The following PLCB1 variants were observed in gnomAD, a reference collection of about 807,000 sequenced individuals.
The protein encoded by PLCB1 is phospholipase C beta 1, also known as 1-phosphatidylinositol 4,5-bisphosphate phosphodiesterase beta-1.
PLCB1 carries 46 observed loss-of-function variants against 161.8 expected under a neutral mutation model. The observed-to-expected ratio is 0.28, with a 90% CI of 0.22 to 0.36. The LOEUF is 0.36. Ranked by LOEUF, PLCB1 falls within the 10% of genes least tolerant of loss-of-function variation. PLCB1 has a pLI of 1.00. For synonymous variants in PLCB1, 517 were observed against 503.7 expected, an observed-to-expected ratio of 1.03 and a Z score of -0.35; for missense variants, 1,016 against 1,472.5, an observed-to-expected ratio of 0.69 and a Z score of 5.07.
At chr20:8,591,003 G>T (rs1987133335) in intron 3 of PLCB1, among the ~76,000 whole-genome samples, 2 of 151,986 alleles carry the variant, frequency 1.3e-5, no homozygotes, top group Admixed American at 1.3e-4. Flanking sequence ...AGGCCCCAGT[G>T]TGTTGTTCCC....
intron 3 of PLCB1, among the ~76,000 whole-genome samples, chr20:8,385,675 T>A (rs1368659724): frequency 1.3e-5 from 2 of 152,168 alleles, no homozygotes; most frequent in Non-Finnish European, 2.9e-5. Context: ...TTCCGATCCA[T>A]GGGTTGCACA....
chr20:8,136,495 G>T (rs186018634), intron 1 of PLCB1, among the ~76,000 whole-genome samples: 13 of 151,884 alleles, frequency 8.6e-5, no homozygotes, highest in Admixed American at 2.0e-4. Flanking sequence ...GCGTGGTGGC[G>T]GGCGCCTGTA....
Position 8,276,916 on chromosome 20 carries a change from G to A in PLCB1, c.178-94466G>A, listed in dbSNP as rs541336075. Among the ~76,000 whole-genome samples, 43 of 143,594 alleles carry A rather than the reference G, an allele frequency of 3.0e-4. No individual in the cohort carries two copies. The South Asian group carries it at 7.2e-3, about 24-fold the overall frequency. 94.2% of individuals were successfully genotyped at this position (143,594 alleles called of 152,430 possible). A position where few individuals can be genotyped will look rare whatever the true frequency, so the allele number is the denominator to read the frequency against. ...AACCCCACTCTTGGGTAGCTTCTTC[G>A]TCTTCTTCTTTTCTTCTTCTTCTTC... On this transcript the variant is annotated intron_variant, in intron 2 of 31. Coordinates refer to ENST00000338037, the MANE Select transcript of PLCB1 (RefSeq NM_015192.4).
chr20:8,837,385 A>G (rs1986330312), intron 31 of PLCB1, among the ~76,000 whole-genome samples: 1 of 152,218 alleles, frequency 6.6e-6, no homozygotes, highest in Non-Finnish European at 1.5e-5. Context: ...CTGTGAGGGA[A>G]TGCATATTAA....
At chr20:8,134,868 T>TTA (rs879671369) in intron 1 of PLCB1, among the ~76,000 whole-genome samples, 2 of 139,782 alleles carry the variant, frequency 1.4e-5, no homozygotes, top group African/African-American at 5.2e-5. Context: ...AGGTCTTTTT[T>TTA]AAAAAAAAAA....
chr20:8,505,841 C>T (rs2122830395), intron 3 of PLCB1, among the ~76,000 whole-genome samples: 1 of 152,234 alleles, frequency 6.6e-6, no homozygotes, highest in East Asian at 1.9e-4. Context: ...AATGGGGTAA[C>T]AATTTAATTA....
chr20:8,209,011 T>C (rs1039255032), intron 2 of PLCB1, among the ~76,000 whole-genome samples: 1 of 152,118 alleles, frequency 6.6e-6, no homozygotes, highest in African/African-American at 2.4e-5. Flanking sequence ...TATTAATGTG[T>C]TTGTTTCTAA....
chr20:8,879,954 C>T (rs1987913054), intron 31 of PLCB1, among the ~76,000 whole-genome samples: 2 of 152,116 alleles, frequency 1.3e-5, no homozygotes, highest in Admixed American at 1.3e-4. Flanking sequence ...AGGGAGCTAT[C>T]AGAGTGGCCA....
chr20:8,582,988 C>CAAAAAAAA (rs57511588), intron 3 of PLCB1, among the ~76,000 whole-genome samples: 1 of 125,200 alleles, frequency 8.0e-6, no homozygotes, highest in African/African-American at 2.8e-5. Context: ...GACTCCATCT[C>CAAAAAAAA]AAAAAAAAAA....
chr20:8,362,499 C>T (rs2122305391), intron 2 of PLCB1, among the ~76,000 whole-genome samples: 1 of 152,190 alleles, frequency 6.6e-6, no homozygotes, highest in Non-Finnish European at 1.5e-5. Context: ...TTCATTTTAC[C>T]TCTTAATAAA....
intron 2 of PLCB1, among the ~76,000 whole-genome samples, chr20:8,367,913 A>G (rs1268363773): frequency 6.7e-6 from 1 of 149,534 alleles, no homozygotes; most frequent in Non-Finnish European, 1.5e-5. Flanking sequence ...AGTGGGAGAC[A>G]CTATTTGAAT....
intron 9 of PLCB1, among the ~76,000 whole-genome samples, chr20:8,675,384 C>G (rs1407791394): frequency 6.6e-6 from 1 of 152,082 alleles, no homozygotes; most frequent in Non-Finnish European, 1.5e-5. Flanking sequence ...GCAAGGAGAA[C>G]CTGACAGATC....
intron 2 of PLCB1, among the ~76,000 whole-genome samples, chr20:8,184,783 T>C (rs61262870): frequency 4.5e-5 from 5 of 110,276 alleles, no homozygotes; most frequent in Admixed American, 8.8e-5. Context: ...TTATTATTAT[T>C]ATTATTATTA....
chr20:8,144,874 C>T (rs962025024), intron 1 of PLCB1, among the ~76,000 whole-genome samples: 1 of 152,114 alleles, frequency 6.6e-6, no homozygotes, highest in Admixed American at 6.5e-5. Context: ...ACGTGCATGC[C>T]TCTATTCATG....
At chr20:8,846,684 C>T (rs144178702) in intron 31 of PLCB1, among the ~76,000 whole-genome samples, 1 of 152,124 alleles carries the variant, frequency 6.6e-6, no homozygotes, top group African/African-American at 2.4e-5. Context: ...TGGCTTGTAT[C>T]ATATTGATTA....
At chr20:8,782,710 T>A (rs6140716) in intron 27 of PLCB1, among the ~76,000 whole-genome samples, 48,822 of 150,018 alleles carry the variant, frequency 0.33, 8,421 homozygotes, top group East Asian at 0.51. Flanking sequence ...AGATGTTTTG[T>A]AAATTAATTT....
intron 2 of PLCB1, among the ~76,000 whole-genome samples, chr20:8,367,387 G>A (rs1025936826): frequency 1.3e-5 from 2 of 152,166 alleles, no homozygotes; most frequent in Non-Finnish European, 2.9e-5. Flanking sequence ...GCCTGCCTCA[G>A]ACTCACGGAA....
chr20:8,747,633 G>A (rs193001357), intron 23 of PLCB1, among the ~76,000 whole-genome samples: 122 of 152,284 alleles, frequency 8.0e-4, no homozygotes, highest in African/African-American at 2.9e-3. Context: ...TTAGCTGGGT[G>A]TGCTAACACA....
intron 3 of PLCB1, among the ~76,000 whole-genome samples, chr20:8,522,102 A>T (rs183994383): frequency 8.5e-5 from 13 of 152,254 alleles, no homozygotes; most frequent in Admixed American, 8.5e-4. Flanking sequence ...TACTATCCCC[A>T]TGCACCCTAA....
Sources: gnomAD v4.1 joint callset for allele counts (sites outside exome capture counted in the v4.1 genomes callset) on GRCh38, gnomAD v4.1.1 for gene constraint, MANE v1.5 for transcripts, NCBI Gene and HGNC (gene_info 2026-07-23, HGNC 2026-07-21) for gene names.